ZC3H14: variants seen among roughly 807,000 people sequenced by gnomAD.
ZC3H14 encodes the protein zinc finger CCCH domain-containing protein 14.
Under a neutral mutation model 92.4 loss-of-function variants are expected in ZC3H14, and 31 were observed. The ratio of observed to expected loss-of-function variants is 0.34; its 90% CI spans 0.25 to 0.45. The LOEUF (loss-of-function observed/expected upper bound fraction) is 0.45, where lower values mean the gene tolerates loss of function less well. ZC3H14 is among the 20% of genes least tolerant of loss of function. The probability of loss-of-function intolerance (pLI) is 1.00; values close to 1 mark genes in which losing one functional copy is unlikely to be tolerated. For synonymous variants in ZC3H14, 321 were observed against 300.9 expected (o/e 1.07, Z -0.69); for missense variants, 781 against 897.3 (o/e 0.87, Z 1.66).
chr14:88,576,178 A>G lies in ZC3H14; in HGVS notation c.1123+238A>G, dbSNP rs552656024. ...ATATAATGCCTTTTATATCTTTCCA[A>G]TGTGTGTAAAATATATAGTACGTAA... On this transcript the variant is annotated intron_variant, in intron 8 of 16. Transcript: ENST00000251038. 5.9e-5 allele frequency among the ~76,000 whole-genome samples: 9 copies of G among 152,294 alleles called. No homozygotes were observed. The South Asian group carries it at 1.0e-3, about 18-fold the overall frequency.
chr14:88,607,125 A>G (rs2085533478), intron 12 of ZC3H14, 118 bp from the exon 13 acceptor site: 6 of 1,491,080 alleles, frequency 4.0e-6, no homozygotes, highest in African/African-American at 2.8e-5. Context: ...CACTTATTTT[A>G]TATGACTGTA....
Position 88,625,480 on chromosome 14 carries a change from C to T in ZC3H14, c.*13729C>T, listed in dbSNP as rs139702984. On this transcript the variant is annotated 3_prime_UTR_variant, in exon 17 of 17. Coordinates refer to ENST00000251038, the MANE Select transcript of ZC3H14 (RefSeq NM_024824.5). ...GCAATGGTGCGATCTCAGCTCACCA[C>T]AACCTCTGCTTCCCAGGTTCAAGTG... is the stretch of plus-strand genomic sequence containing the variant. 2,497 of 164,510 alleles carry T rather than the reference C, an allele frequency of 0.015. 45 individuals are homozygous for T. The highest frequency in any genetic ancestry group is 0.074 in the South Asian group (462 of 6,226). 10.2% of individuals were successfully genotyped at this position (164,510 alleles called of 1,614,324 possible).
Position 88,614,088 on chromosome 14 carries a change from GA to G in ZC3H14, c.*2340del, listed in dbSNP as rs1278458394. 3 of 152,184 alleles carry G rather than the reference GA, an allele frequency of 2.0e-5. No individual in the cohort carries two copies. The highest frequency in any genetic ancestry group is 6.5e-5 in the Admixed American group (1 of 15,276). The allele number at this position is 152,184 out of a possible 1,614,324, so 9.4% of individuals were successfully genotyped here. Reference sequence around the variant, plus strand: ...CAGAGTTTCTACCTGCACTGTAATGGAAATATAATTTCTCTGTAGCCAAAAG... The same window carrying G: ...CAGAGTTTCTACCTGCACTGTAATGGAATATAATTTCTCTGTAGCCAAAAG... On this transcript the variant is annotated 3_prime_UTR_variant, in exon 17 of 17. Coordinates refer to ENST00000251038, the MANE Select transcript of ZC3H14 (RefSeq NM_024824.5).
Position 88,613,821 on chromosome 14 carries a change from A to T in ZC3H14, c.*2070A>T, listed in dbSNP as rs1402861526. 3 of 152,188 alleles carry T rather than the reference A, an allele frequency of 2.0e-5. No homozygotes were observed. Among genetic ancestry groups the T allele is most frequent in the Admixed American group, 6.5e-5 (1 of 15,280 alleles). The allele number at this position is 152,188 out of a possible 1,614,324, so 9.4% of individuals were successfully genotyped here. ...TTAGATACTGCACACAAAAATAATT[A>T]TCTGGGTTAAAAAAGTAAACATAGG... On this transcript the variant is annotated 3_prime_UTR_variant, in exon 17 of 17. Coordinates refer to ENST00000251038, the MANE Select transcript of ZC3H14 (RefSeq NM_024824.5).
In ZC3H14 at chr14:88,620,857, C is replaced by G. The variant is rs750066524; in HGVS notation, c.*9106C>G. The G allele has an allele frequency of 1.9e-6, 3 of 1,589,212 alleles. No homozygotes were observed. Among genetic ancestry groups the G allele is most frequent in the East Asian group, 4.5e-5 (2 of 44,190 alleles). On this transcript the variant is annotated 3_prime_UTR_variant, in exon 17 of 17. Coordinates refer to ENST00000251038, the MANE Select transcript of ZC3H14 (RefSeq NM_024824.5). The surrounding 1 kb of genome is among the most constrained non-coding windows in gnomAD (Gnocchi z 4.3). ...TCTCCATTTTTCATTCCAATAGCCA[C>G]CATGTCCCCTTCAGGGCTGTAACAC...
intron 9 of ZC3H14, among the ~76,000 whole-genome samples, chr14:88,581,555 C>T (rs917267097): frequency 1.3e-5 from 2 of 152,024 alleles, no homozygotes; most frequent in South Asian, 2.1e-4. Flanking sequence ...AGTGAGATTC[C>T]GTCTCAAGAA....
chr14:88,593,324 C>T (rs1437069279), intron 9 of ZC3H14, among the ~76,000 whole-genome samples: 3 of 152,162 alleles, frequency 2.0e-5, no homozygotes, highest in Non-Finnish European at 4.4e-5. Context: ...ATGGATTCAA[C>T]TCAATCCCTG....
Position 88,609,801 on chromosome 14 carries a change from A to AAAGT in ZC3H14, c.2097+2_2097+5dup. 1.2e-6 allele frequency: 2 copies of AAAGT among 1,613,726 alleles called. No individual in the cohort carries two copies. The highest frequency in any genetic ancestry group is 1.7e-6 in the Non-Finnish European group (2 of 1,179,728). On this transcript the variant is annotated frameshift_variant and splice_region_variant, in exon 15 of 17. Transcript: ENST00000251038. LOFTEE classifies it high-confidence loss of function. The stretch of plus-strand genomic sequence containing the variant: ...GATGGAATGTCCCTTCTATCATCCA[A>AAAGT]AAGTAAGAACTTCTATTTTCTCAAA...
At chr14:88,563,597 C>T (rs951198825) in intron 1 of ZC3H14, 54 bp from the exon 2 acceptor site, 9 of 1,605,700 alleles carry the variant, frequency 5.6e-6, no homozygotes, top group Admixed American at 3.3e-5. Flanking sequence ...AGAGTCCGGT[C>T]TTGTTTTCCT....
intron 9 of ZC3H14, among the ~76,000 whole-genome samples, chr14:88,583,510 A>G (rs1274640448): frequency 6.6e-6 from 1 of 152,156 alleles, no homozygotes; most frequent in Non-Finnish European, 1.5e-5. Flanking sequence ...AAGAATACAT[A>G]TGACAGGTTT....
chr14:88,589,595 A>G (rs1403187146), intron 9 of ZC3H14: 3 of 152,158 alleles, frequency 2.0e-5, no homozygotes, highest in Non-Finnish European at 4.4e-5. Context: ...AAGCTCAACT[A>G]TGAATTTTCC....
chr14:88,573,467 CTT>C (rs781405541), intron 6 of ZC3H14, among the ~76,000 whole-genome samples: 4 of 152,112 alleles, frequency 2.6e-5, no homozygotes, highest in Non-Finnish European at 5.9e-5. Context: ...GAGTTTCACT[CTT>C]GTTGCCCAGG....
chr14:88,608,370 T>TCCCCATCTCACCCTGCA (rs2085961751), intron 13 of ZC3H14: 1 of 446,300 alleles, frequency 2.2e-6, no homozygotes. Context: ...CTGCAAGTCA[T>TCCCCATCTCACCCTGCA]AGCCAGCTGA....
rs1471074345 is a variant in ZC3H14 at position 88,609,293 on chromosome 14, A to G, written c.1895A>G (p.Glu632Gly). Residue 632 changes from glutamate (E) to glycine (G), a missense_variant, in exon 14 of 17, where the codon GAA becomes GGA. Glu to Gly is a moderately conservative substitution (Grantham distance 98). Transcript: ENST00000251038. ...GCCTTCCCCAATTGTAAATTTGCTG[A>G]AAAATGTTTGTTTGTTCACCCAAAT... ...CKAFPNCKFAEKCLFVHPNCK... is the reference protein window; with the variant it reads ...CKAFPNCKFAGKCLFVHPNCK... 2 of 1,613,986 alleles carry G rather than the reference A, an allele frequency of 1.2e-6. No homozygotes were observed. The highest frequency in any genetic ancestry group is 1.7e-6 in the Non-Finnish European group (2 of 1,179,968).
intron 9 of ZC3H14, among the ~76,000 whole-genome samples, chr14:88,582,804 A>G (rs1450123963): frequency 2.0e-5 from 3 of 152,208 alleles, no homozygotes; most frequent in Non-Finnish European, 4.4e-5. Flanking sequence ...AGCAACTGTT[A>G]TCTGTTAATG....
Position 88,618,399 on chromosome 14 carries a change from C to G in ZC3H14, c.*6648C>G. On this transcript the variant is annotated 3_prime_UTR_variant, in exon 17 of 17. Coordinates refer to ENST00000251038, the MANE Select transcript of ZC3H14 (RefSeq NM_024824.5). The stretch of plus-strand genomic sequence containing the variant: ...AGAGACAAAATCCACAGGGGGTTTA[C>G]AGAATACTAGCATATTGCTACTTGA... The G allele has an allele frequency of 7.3e-7, 1 of 1,365,620 alleles. No individual in the cohort carries two copies. 84.6% of individuals were successfully genotyped at this position (1,365,620 alleles called of 1,614,324 possible).
At chr14:88,566,791 G>T (rs1339868187) in intron 2 of ZC3H14, among the ~76,000 whole-genome samples, 2 of 152,060 alleles carry the variant, frequency 1.3e-5, no homozygotes, top group South Asian at 2.1e-4. Context: ...GTGGTGGCAG[G>T]TGCCTGTAAT....
In ZC3H14 at chr14:88,574,786, G is replaced by A. The variant is rs746845846; in HGVS notation, c.955G>A (p.Asp319Asn). The A allele has an allele frequency of 1.9e-6, 3 of 1,614,172 alleles. No individual in the cohort carries two copies. Among genetic ancestry groups the A allele is most frequent in the African/African-American group, 1.3e-5 (1 of 75,038 alleles). ...NHDGEEEEED[D>N]DYGSRTGSIS... The stretch of plus-strand genomic sequence containing the variant: ...TGATGGAGAAGAGGAGGAAGAAGAT[G>A]ATGATTACGGGTCTCGAACAGGAAG... Residue 319 changes from aspartate to asparagine, a missense_variant, in exon 7 of 17, where the codon GAT (aspartate) becomes AAT (asparagine). Physicochemically the swap from Asp to Asn is conservative, Grantham distance 23. This residue lies in a region of ZC3H14 where 454 missense variants were observed against 438.5 expected (regional missense o/e 1.04). Transcript: ENST00000251038.
At chr14:88,566,025 C>G (rs2079541612) in intron 2 of ZC3H14, among the ~76,000 whole-genome samples, 1 of 19,046 alleles carries the variant, frequency 5.3e-5, no homozygotes, top group African/African-American at 1.4e-4. Context: ...CTGCCACCAC[C>G]CCGCCCCCCC....
Sources: allele counts gnomAD v4.1 joint callset (sites outside exome capture counted in the v4.1 genomes callset), GRCh38; gene constraint gnomAD v4.1.1; regional missense constraint gnomAD v4.1.1; non-coding constraint Gnocchi (gnomAD v3.1); transcripts MANE v1.5; gene names NCBI Gene and HGNC (gene_info 2026-07-23, HGNC 2026-07-21).